The following MAGI2 variants were observed in gnomAD, a reference collection of about 807,000 sequenced individuals.
MAGI2 encodes membrane associated guanylate kinase, WW and PDZ domain containing 2.
Under a neutral mutation model 133.3 loss-of-function variants are expected in MAGI2, and 35 were observed. The ratio of observed to expected loss-of-function variants is 0.26; its 90% CI spans 0.20 to 0.35. The LOEUF is 0.35. Among genes scored for constraint, MAGI2 ranks in the 10% least tolerant of loss-of-function variants. MAGI2 has a pLI of 1.00. For synonymous variants in MAGI2, 729 were observed against 710.6 expected (o/e 1.03, Z -0.41); for missense variants, 1,636 against 1,863.4 (o/e 0.88, Z 2.25).
intron 1 of MAGI2, among the ~76,000 whole-genome samples, chr7:79,364,929 C>T (rs1342089505): frequency 6.6e-6 from 1 of 151,066 alleles, no homozygotes; most frequent in Admixed American, 6.6e-5. Flanking sequence ...TACTTTTGCT[C>T]TGGTAAAACC....
In MAGI2 at chr7:78,345,951, G is replaced by T; in HGVS notation, c.1196C>A (p.Thr399Lys). 6.2e-7 allele frequency: 1 copy of T among 1,614,192 alleles called. No individual in the cohort carries two copies. Among genetic ancestry groups the T allele is most frequent in the South Asian group, 1.1e-5 (1 of 91,084 alleles). ...GAAACCTGGGGCCTGCAGGGGCTTT[G>T]TTCCAAGTTCTGTGTGGGGCATGTT... is the stretch of plus-strand genomic sequence containing the variant. ...QHNMPHTELG[T>K]KPLQAPGFRE... The change falls in exon 8 of 22, where the codon ACA becomes AAA. Residue 399 changes from threonine (T) to lysine (K), a missense_variant. Around this residue, in one of 5 missense-constraint regions of MAGI2, gnomAD observed 920 missense variants for 1,093.5 expected, o/e 0.84. Transcript: ENST00000354212.
chr7:78,325,102 T>C lies in MAGI2; in HGVS notation c.1408+18676A>G, dbSNP rs574946336. The stretch of plus-strand genomic sequence containing the variant: ...GATTTAAAGCATGGCTCCTCCACCT[T>C]CCTTTTGGTAGCTATTTCATGTCTG... On this transcript the variant is annotated intron_variant, in intron 9 of 21. Coordinates refer to ENST00000354212, the MANE Select transcript of MAGI2 (RefSeq NM_012301.4). Among the ~76,000 whole-genome samples the C allele has an allele frequency of 1.3e-4, 20 of 152,308 alleles. 1 individual carries two copies. In the South Asian group the frequency reaches 3.9e-3, roughly 30 times the overall value.
At chr7:78,624,718 G>A (rs968456914) in intron 3 of MAGI2, among the ~76,000 whole-genome samples, 1 of 151,916 alleles carries the variant, frequency 6.6e-6, no homozygotes, top group Non-Finnish European at 1.5e-5. Context: ...TAGGTGATGG[G>A]GATGATCTGT....
At chr7:79,163,361 A>G (rs1055876879) in intron 1 of MAGI2, among the ~76,000 whole-genome samples, 1 of 151,900 alleles carries the variant, frequency 6.6e-6, no homozygotes, top group Non-Finnish European at 1.5e-5. Context: ...TTTAGTAGAG[A>G]TGGGGTTTCA....
At chr7:78,391,241 T>C (rs1201249023) in intron 6 of MAGI2, among the ~76,000 whole-genome samples, 1 of 152,208 alleles carries the variant, frequency 6.6e-6, no homozygotes, top group East Asian at 1.9e-4. Flanking sequence ...GAATATATGC[T>C]TTGGTTATAC....
rs141731674 is a variant in MAGI2, at chr7:78,280,686, G to A, written c.1409-24105C>T. Among the ~76,000 whole-genome samples, 8 of 151,970 alleles carry A rather than the reference G, an allele frequency of 5.3e-5. No individual in the cohort carries two copies. The South Asian group carries it at 1.7e-3, about 32-fold the overall frequency. ...CCAAGGAACTCAGGAGTAAGTGGTGGAGCCAGGTGGGTGGAACCATAAAGC... is the reference window on the plus strand; with the variant it reads ...CCAAGGAACTCAGGAGTAAGTGGTGAAGCCAGGTGGGTGGAACCATAAAGC... On this transcript the variant is annotated intron_variant, in intron 9 of 21. Coordinates refer to ENST00000354212, the MANE Select transcript of MAGI2 (RefSeq NM_012301.4).
intron 2 of MAGI2, among the ~76,000 whole-genome samples, chr7:78,942,754 G>C (rs1179509487): frequency 6.6e-6 from 1 of 152,022 alleles, no homozygotes; most frequent in Non-Finnish European, 1.5e-5. Context: ...GCATTTGCTT[G>C]TTAAAATGTA....
At chr7:79,116,293 G>A (rs1819405342) in intron 1 of MAGI2, among the ~76,000 whole-genome samples, 1 of 152,092 alleles carries the variant, frequency 6.6e-6, no homozygotes, top group Non-Finnish European at 1.5e-5. Context: ...GAATATCCAA[G>A]GTCCATCACA....
chr7:78,432,263 G>C (rs2151434312), intron 6 of MAGI2, among the ~76,000 whole-genome samples: 1 of 149,886 alleles, frequency 6.7e-6, no homozygotes, highest in East Asian at 2.0e-4. Flanking sequence ...ATTTATACTT[G>C]GCCTCACAAA....
chr7:78,241,556 C>A (rs923906700), intron 10 of MAGI2, among the ~76,000 whole-genome samples: 3 of 152,134 alleles, frequency 2.0e-5, no homozygotes, highest in African/African-American at 4.8e-5. Context: ...GTTAGGATAC[C>A]TTGTGAATTT....
chr7:79,376,870 G>A (rs10268433), intron 1 of MAGI2, among the ~76,000 whole-genome samples: 1 of 150,740 alleles, frequency 6.6e-6, no homozygotes, highest in Admixed American at 6.6e-5. Context: ...CAACACAAGA[G>A]AAACATCAAA....
intron 7 of MAGI2, among the ~76,000 whole-genome samples, chr7:78,353,586 A>G (rs1791747717): frequency 6.6e-6 from 1 of 152,228 alleles, no homozygotes; most frequent in Non-Finnish European, 1.5e-5. Flanking sequence ...TGTATGCATG[A>G]CGTAAATACT....
intron 2 of MAGI2, among the ~76,000 whole-genome samples, chr7:78,743,858 C>T (rs562053755): frequency 1.3e-5 from 2 of 152,176 alleles, no homozygotes; most frequent in Non-Finnish European, 2.9e-5. Context: ...GGAAGGCCTT[C>T]TTACCATTCC....
rs542888529 is a variant in MAGI2, at chr7:79,180,732, A to G, written c.302-173526T>C. Among the ~76,000 whole-genome samples the G allele has an allele frequency of 9.2e-5, 14 of 152,102 alleles. No homozygotes were observed. In the East Asian group the frequency reaches 2.5e-3, roughly 27 times the overall value. The stretch of plus-strand genomic sequence containing the variant: ...CATTTCAGCATAAACTCAAAAGTCC[A>G]TAGTCCAAAGTCTTATCTGAGAAAA... On this transcript the variant is annotated intron_variant, in intron 1 of 21. Coordinates refer to ENST00000354212, the MANE Select transcript of MAGI2 (RefSeq NM_012301.4).
intron 21 of MAGI2, among the ~76,000 whole-genome samples, chr7:78,029,824 T>C (rs3807798): frequency 0.66 from 101,122 of 152,134 alleles, 36,522 homozygotes; most frequent in Non-Finnish European, 0.83. Context: ...TAAGTATTGG[T>C]AGCTGAGAGT....
At chr7:79,227,848 T>C (rs906212084) in intron 1 of MAGI2, among the ~76,000 whole-genome samples, 1 of 152,198 alleles carries the variant, frequency 6.6e-6, no homozygotes, top group Non-Finnish European at 1.5e-5. Context: ...TTCTTCTTGG[T>C]TGCTCCTCAC....
At chr7:78,192,936 G>A (rs1303392115) in intron 12 of MAGI2, among the ~76,000 whole-genome samples, 1 of 152,160 alleles carries the variant, frequency 6.6e-6, no homozygotes, top group East Asian at 1.9e-4. Flanking sequence ...CCCTGCGGCT[G>A]TAGAGGGAAA....
intron 2 of MAGI2, among the ~76,000 whole-genome samples, chr7:78,880,938 A>C (rs913074116): frequency 6.6e-6 from 1 of 152,164 alleles, no homozygotes; most frequent in Non-Finnish European, 1.5e-5. Context: ...TCGGAAAAAA[A>C]TGACTTTAAA....
chr7:78,904,954 AT>A (rs60338083), intron 2 of MAGI2, among the ~76,000 whole-genome samples: 82,421 of 151,834 alleles, frequency 0.54, 22,764 homozygotes, highest in East Asian at 0.8. Context: ...TCTTTCTATG[AT>A]TTTTCTTCCT....
Sources: gnomAD v4.1 joint callset for allele counts (sites outside exome capture counted in the v4.1 genomes callset) on GRCh38, gnomAD v4.1.1 for gene constraint, gnomAD v4.1.1 regional missense constraint, MANE v1.5 for transcripts, NCBI Gene and HGNC (gene_info 2026-07-23, HGNC 2026-07-21) for gene names.